MIGA1: variants seen among roughly 807,000 people sequenced by gnomAD.
MIGA1 encodes the protein family with sequence similarity 73, member A.
In MIGA1, 58 loss-of-function variants were observed where a neutral mutation model predicts 82.0. The ratio of observed to expected loss-of-function variants is 0.71; its 90% CI spans 0.57 to 0.88. The LOEUF (loss-of-function observed/expected upper bound fraction) is 0.88, where lower values mean the gene tolerates loss of function less well. Ranked by LOEUF, MIGA1 falls within the 40% of genes least tolerant of loss-of-function variation. The probability of loss-of-function intolerance (pLI) is 0.00; values close to 1 mark genes in which losing one functional copy is unlikely to be tolerated. For synonymous variants in MIGA1, 249 were observed against 253.6 expected, an observed-to-expected ratio of 0.98 and a Z score of 0.17; for missense variants, 751 against 749.1, an observed-to-expected ratio of 1.00 and a Z score of -0.03.
intron 7 of MIGA1, among the ~76,000 whole-genome samples, chr1:77,829,417 C>CTTCA (rs1356868421): frequency 3.3e-5 from 5 of 152,148 alleles, no homozygotes; most frequent in African/African-American, 1.2e-4. Flanking sequence ...CACCACTGCA[C>CTTCA]TTCAGCCTTG....
chr1:77,798,999 T>C (rs528024303), intron 2 of MIGA1, among the ~76,000 whole-genome samples: 1 of 152,322 alleles, frequency 6.6e-6, no homozygotes, highest in East Asian at 1.9e-4. Flanking sequence ...GCTGATATTA[T>C]GGTAAGTTAC....
chr1:77,785,205 C>CA (rs1227399549), intron 2 of MIGA1, among the ~76,000 whole-genome samples: 1 of 152,120 alleles, frequency 6.6e-6, no homozygotes, highest in Non-Finnish European at 1.5e-5. Flanking sequence ...CCTGTAAAAT[C>CA]AAAAGCAAAT....
chr1:77,851,953 T>C (rs1288208581), intron 8 of MIGA1, among the ~76,000 whole-genome samples: 1 of 148,570 alleles, frequency 6.7e-6, no homozygotes, highest in Non-Finnish European at 1.5e-5. Flanking sequence ...CTCAGCTCAC[T>C]GCAACCTTGC....
chr1:77,845,770 T>C (rs767456273), intron 8 of MIGA1, among the ~76,000 whole-genome samples: 1 of 152,106 alleles, frequency 6.6e-6, no homozygotes, highest in Non-Finnish European at 1.5e-5. Context: ...GTTAAACAAG[T>C]TTTTGATCGT....
At chr1:77,802,652 C>G (rs1335937210) in intron 3 of MIGA1, among the ~76,000 whole-genome samples, 8 of 151,868 alleles carry the variant, frequency 5.3e-5, no homozygotes, top group Admixed American at 5.3e-4. Context: ...TGTGGTGGCA[C>G]AGCTAGCTAG....
chr1:77,860,159 T>G, intron 11 of MIGA1, 33 bp downstream of exon 11: 1 of 1,505,552 alleles, frequency 6.6e-7, no homozygotes, highest in East Asian at 2.3e-5. Flanking sequence ...ATTTTTACCA[T>G]TTACAAAAGT....
chr1:77,861,552 C>T (rs1372335920), intron 12 of MIGA1: 5 of 430,666 alleles, frequency 1.2e-5, no homozygotes, highest in Non-Finnish European at 2.1e-5. Context: ...TGCTTCCTTC[C>T]CTCCTGTCCT....
In MIGA1 at chr1:77,783,229, T is replaced by G; in HGVS notation, c.82-9T>G. On this transcript the variant is annotated splice_polypyrimidine_tract_variant and intron_variant, in intron 1 of 15. Transcript: ENST00000370791. Reference sequence around the variant, plus strand: ...GTGGCTAATTTTTTTTATGTTTCATTTAATGAAGATTAGAAGAGGAGCCAT... The same window carrying G: ...GTGGCTAATTTTTTTTATGTTTCATGTAATGAAGATTAGAAGAGGAGCCAT... 6.5e-7 allele frequency: 1 copy of G among 1,537,968 alleles called. No individual in the cohort carries two copies. The highest frequency in any genetic ancestry group is 1.2e-5 in the South Asian group (1 of 81,610).
chr1:77,844,853 A>C (rs1684777762), intron 8 of MIGA1, among the ~76,000 whole-genome samples: 1 of 152,146 alleles, frequency 6.6e-6, no homozygotes, highest in African/African-American at 2.4e-5. Context: ...ATGGTGGTGC[A>C]TGCCTGTAAT....
chr1:77,821,596 T>C (rs1001150900), intron 7 of MIGA1, among the ~76,000 whole-genome samples: 2 of 152,112 alleles, frequency 1.3e-5, no homozygotes, highest in Non-Finnish European at 2.9e-5. Context: ...GGTTTCTCCA[T>C]GTTGGTCAGG....
At chr1:77,855,449 G>A (rs1279601359) in intron 8 of MIGA1, among the ~76,000 whole-genome samples, 1 of 152,098 alleles carries the variant, frequency 6.6e-6, no homozygotes, top group East Asian at 1.9e-4. Flanking sequence ...TATTCTGATG[G>A]GGATTGCATT....
intron 1 of MIGA1, 106 bp downstream of exon 1, chr1:77,779,842 C>T (rs534330090): frequency 7.0e-7 from 1 of 1,436,672 alleles, no homozygotes; most frequent in Non-Finnish European, 9.1e-7. Context: ...GTGGCGCGGA[C>T]TCCATCGCTG....
intron 14 of MIGA1, 69 bp downstream of exon 14, chr1:77,866,460 T>C: frequency 6.8e-7 from 1 of 1,461,086 alleles, no homozygotes; most frequent in Non-Finnish European, 9.6e-7. Flanking sequence ...AGCTTCTGAG[T>C]CACTTCTCCG....
intron 1 of MIGA1, chr1:77,780,123 A>G: frequency 2.0e-6 from 2 of 997,710 alleles, no homozygotes; most frequent in Non-Finnish European, 2.4e-6. Flanking sequence ...TTCTTGGCAA[A>G]GAAAAAGGAA....
intron 5 of MIGA1, among the ~76,000 whole-genome samples, chr1:77,809,734 T>C (rs982681475): frequency 2.7e-5 from 4 of 150,174 alleles, no homozygotes; most frequent in African/African-American, 9.8e-5. Flanking sequence ...GTGATATAAT[T>C]GGTTTTTATG....
chr1:77,791,559 GT>G (rs71075763), intron 2 of MIGA1, among the ~76,000 whole-genome samples: 27,740 of 124,526 alleles, frequency 0.22, 3,355 homozygotes, highest in Admixed American at 0.37. Context: ...AGATATTTAA[GT>G]TTTTTTTTTT....
rs754229701 is a variant in MIGA1, at chr1:77,860,066, G to A, written c.1215G>A (p.Arg405=). 1.7e-5 allele frequency: 27 copies of A among 1,611,254 alleles called. No individual in the cohort carries two copies. The highest frequency in any genetic ancestry group is 2.3e-5 in the Non-Finnish European group (27 of 1,178,534). ...TAATTCTTTCAGAATCAGCTAACAG[G>A]ATATTCCTCGCTGAGAGCGGAAGGA... Residue 405 remains arginine (R), a synonymous_variant, in exon 11 of 16, where the codon AGG becomes AGA. Coordinates refer to ENST00000370791, the MANE Select transcript of MIGA1 (RefSeq NM_198549.4).
chr1:77,856,174 T>C (rs1035930037), intron 8 of MIGA1, among the ~76,000 whole-genome samples: 2 of 152,248 alleles, frequency 1.3e-5, no homozygotes, highest in Non-Finnish European at 2.9e-5. Flanking sequence ...TTTTTAATTC[T>C]GTTTATGTGG....
At position 77,873,034 on chromosome 1, in the gene MIGA1, G is replaced by GC. The variant is rs747392554; in HGVS notation, c.1596dup (p.Ile533HisfsTer3). 6.2e-7 allele frequency: 1 copy of GC among 1,613,952 alleles called. No homozygotes were observed. Among genetic ancestry groups the GC allele is most frequent in the South Asian group, 1.1e-5 (1 of 91,074 alleles). Reference sequence around the variant, plus strand: ...AGATGGATTTTTTGCCCATTTTTATGCCATTTGTGAACACATCAGTCCTGT... The same window carrying GC: ...AGATGGATTTTTTGCCCATTTTTATGCCCATTTGTGAACACATCAGTCCTGT... On this transcript the variant is annotated frameshift_variant, in exon 15 of 16. Coordinates refer to ENST00000370791, the MANE Select transcript of MIGA1 (RefSeq NM_198549.4). LOFTEE classifies it high-confidence loss of function.
Sources: allele counts gnomAD v4.1 joint callset (sites outside exome capture counted in the v4.1 genomes callset), GRCh38; gene constraint gnomAD v4.1.1; transcripts MANE v1.5; gene names NCBI Gene and HGNC (gene_info 2026-07-23, HGNC 2026-07-21).